The following TENM3 variants were observed in gnomAD, a reference collection of about 807,000 sequenced individuals.
TENM3 encodes the protein teneurin-3.
TENM3 carries 63 observed loss-of-function variants against 255.1 expected under a neutral mutation model. The observed-to-expected ratio is 0.25, with a 90% CI of 0.20 to 0.30. The LOEUF is 0.30. TENM3 is among the 10% of genes least tolerant of loss of function. TENM3 has a pLI of 1.00. For synonymous variants in TENM3, 1,306 were observed against 1,322.3 expected (o/e 0.99, Z 0.27); for missense variants, 2,929 against 3,461.1 (o/e 0.85, Z 3.86).
chr4:181,813,738 G>A, the TENM3 span, among the ~76,000 whole-genome samples: 5 of 152,174 alleles, frequency 3.3e-5, no homozygotes, highest in African/African-American at 1.2e-4. Flanking sequence ...AGGGAGGGGA[G>A]TGCAAAGAAG....
In TENM3 at chr4:182,754,139, C is replaced by A. The variant is rs922005433; in HGVS notation, c.4018-246C>A. 1.3e-5 allele frequency among the ~76,000 whole-genome samples: 2 copies of A among 152,148 alleles called. No homozygotes were observed. Among genetic ancestry groups the A allele is most frequent in the African/African-American group, 4.8e-5 (2 of 41,428 alleles). On this transcript the variant is annotated intron_variant, in intron 21 of 27. Coordinates refer to ENST00000511685, the MANE Select transcript of TENM3 (RefSeq NM_001080477.4). This position sits in a 1 kb window ranked among gnomAD's most constrained non-coding sequence, Gnocchi z 5.1. ...ATCTGTTGACTCACTACGTAGAGGCCTATTTGCTATTTGCCTGTAACTAGC... is the reference window on the plus strand; with the variant it reads ...ATCTGTTGACTCACTACGTAGAGGCATATTTGCTATTTGCCTGTAACTAGC...
intron 1 of TENM3, among the ~76,000 whole-genome samples, chr4:182,270,654 A>C (rs1434238735): frequency 6.6e-6 from 1 of 152,164 alleles, no homozygotes; most frequent in Admixed American, 6.5e-5. Flanking sequence ...AAAATAAAGA[A>C]AGAAAGAGCA....
chr4:182,324,917 C>T (rs1414380061), intron 2 of TENM3, among the ~76,000 whole-genome samples: 1 of 152,160 alleles, frequency 6.6e-6, no homozygotes, highest in Non-Finnish European at 1.5e-5. Flanking sequence ...GAGGATGCTC[C>T]CAGTGGAATC....
chr4:181,519,093 G>A, the TENM3 span, among the ~76,000 whole-genome samples: 1 of 152,198 alleles, frequency 6.6e-6, no homozygotes, highest in African/African-American at 2.4e-5. Context: ...TTTGACAAAG[G>A]AGATTGTGGC....
intron 22 of TENM3, among the ~76,000 whole-genome samples, chr4:182,761,680 TTTTC>T (rs926709196): frequency 5.9e-5 from 9 of 152,278 alleles, no homozygotes; most frequent in East Asian, 3.9e-4. Context: ...TCCTTTTCCT[TTTTC>T]TTTCTTCATG....
chr4:182,270,136 A>G (rs1759520760), intron 1 of TENM3, among the ~76,000 whole-genome samples: 1 of 152,168 alleles, frequency 6.6e-6, no homozygotes, highest in Non-Finnish European at 1.5e-5. Context: ...CTTGTTATGT[A>G]GACGAAGCCT....
chr4:182,219,422 G>A (rs1375534496), intron 1 of TENM3, among the ~76,000 whole-genome samples: 1 of 152,140 alleles, frequency 6.6e-6, no homozygotes, highest in Non-Finnish European at 1.5e-5. Flanking sequence ...ATCACCGTAA[G>A]AGGCTGAAGC....
intron 3 of TENM3, among the ~76,000 whole-genome samples, chr4:182,453,000 G>A (rs1773591629): frequency 7.0e-6 from 1 of 142,190 alleles, no homozygotes; most frequent in Non-Finnish European, 1.5e-5. Flanking sequence ...AACAATGTGT[G>A]TACTATAGAG....
chr4:182,640,062 C>G (rs1340604880), intron 5 of TENM3, among the ~76,000 whole-genome samples: 1 of 152,164 alleles, frequency 6.6e-6, no homozygotes, highest in Non-Finnish European at 1.5e-5. Context: ...TGCACTCTAG[C>G]CTGGCAATAG....
chr4:181,523,069 A>C, the TENM3 span: 3 of 562,712 alleles, frequency 5.3e-6, no homozygotes, highest in Non-Finnish European at 1.0e-5. Context: ...CAAATGTATG[A>C]GCATGGGACA....
At chr4:182,479,356 ATTTAT>A (rs895304992) in intron 3 of TENM3, among the ~76,000 whole-genome samples, 5 of 151,756 alleles carry the variant, frequency 3.3e-5, no homozygotes, top group African/African-American at 1.2e-4. Flanking sequence ...TTACCTTTTT[ATTTAT>A]TTTATTTTAA....
chr4:182,468,120 C>T (rs1020379905), intron 3 of TENM3, among the ~76,000 whole-genome samples: 3 of 152,132 alleles, frequency 2.0e-5, no homozygotes, highest in African/African-American at 7.2e-5. Context: ...GGCCTGGTGG[C>T]TCATGCCTGT....
rs33998093 is a variant in TENM3, at chr4:182,787,735, CAA to C, written c.5305-1332_5305-1331del. ...GGGCGACAAGGGCAAAACTCCACCTCAAAAAAAAAAAAAAAAAAAAAAAAAAA... is the reference window on the plus strand; with the variant it reads ...GGGCGACAAGGGCAAAACTCCACCTCAAAAAAAAAAAAAAAAAAAAAAAAA... On this transcript the variant is annotated intron_variant, in intron 24 of 27. Transcript: ENST00000511685. Among the ~76,000 whole-genome samples, 383 of 41,542 alleles carry C rather than the reference CAA, an allele frequency of 9.2e-3. 1 individual carries two copies. The highest frequency in any genetic ancestry group is 0.021 in the African/African-American group (359 of 16,710). The allele number at this position is 41,542 out of a possible 152,430, so 27.3% of individuals were successfully genotyped here.
At chr4:182,061,706 C>T in the TENM3 span, among the ~76,000 whole-genome samples, 1 of 152,092 alleles carries the variant, frequency 6.6e-6, no homozygotes, top group Non-Finnish European at 1.5e-5. Context: ...CGCCCGTAAT[C>T]CCAGCACTTT....
At chr4:181,577,938 C>T in the TENM3 span, among the ~76,000 whole-genome samples, 2 of 152,292 alleles carry the variant, frequency 1.3e-5, no homozygotes, top group South Asian at 2.1e-4. Flanking sequence ...TTTCAGTTTT[C>T]CTCCAGTCTG....
At chr4:182,227,553 C>T (rs1257289298) in intron 1 of TENM3, among the ~76,000 whole-genome samples, 1 of 151,810 alleles carries the variant, frequency 6.6e-6, no homozygotes, top group African/African-American at 2.4e-5. Context: ...ACATGGTTTA[C>T]AGTGTATGAG....
intron 23 of TENM3, chr4:182,774,041 A>G (rs1325040249): frequency 6.4e-6 from 1 of 156,048 alleles, no homozygotes; most frequent in Non-Finnish European, 1.4e-5. Context: ...TTTAATCTGC[A>G]TGTCATGGAA....
the TENM3 span, among the ~76,000 whole-genome samples, chr4:181,596,656 C>G: frequency 6.6e-6 from 1 of 151,988 alleles, no homozygotes; most frequent in African/African-American, 2.4e-5. Context: ...CTTGTGTACA[C>G]AATAGCAAAG....
intron 1 of TENM3, among the ~76,000 whole-genome samples, chr4:182,185,326 G>C (rs979342644): frequency 6.6e-6 from 1 of 152,182 alleles, no homozygotes; most frequent in South Asian, 2.1e-4. Flanking sequence ...AGCATAAATA[G>C]AGCGTTCTTT....
Sources: gnomAD v4.1 joint callset for allele counts (sites outside exome capture counted in the v4.1 genomes callset) on GRCh38, gnomAD v4.1.1 for gene constraint, Gnocchi (gnomAD v3.1) non-coding constraint, MANE v1.5 for transcripts, NCBI Gene and HGNC (gene_info 2026-07-23, HGNC 2026-07-21) for gene names.